EYS: variants seen among roughly 807,000 people sequenced by gnomAD.
The protein encoded by EYS is EGF-like photoreceptor maintenance factor, also known as protein eyes shut homolog.
In EYS, 250 loss-of-function variants were observed where a neutral mutation model predicts 282.1. That is an observed-to-expected ratio of 0.89 (90% CI 0.80 to 0.98). The LOEUF is 0.98. EYS is among the 50% of genes least tolerant of loss of function. The pLI, the probability that EYS is intolerant of heterozygous loss-of-function variation, is 0.00. For missense variants in EYS, 4,016 were observed against 3,709.0 expected, an observed-to-expected ratio of 1.08 and a Z score of -2.15; for synonymous variants, 1,355 against 1,282.9, an observed-to-expected ratio of 1.06 and a Z score of -1.20.
chr6:64,794,139 C>T (rs1385161545), intron 22 of EYS, among the ~76,000 whole-genome samples: 2 of 152,240 alleles, frequency 1.3e-5, no homozygotes, highest in East Asian at 1.9e-4. Context: ...ATAATGTCCT[C>T]AAAAGTTCAT....
intron 29 of EYS, among the ~76,000 whole-genome samples, chr6:64,326,152 T>C (rs1157144089): frequency 2.3e-5 from 2 of 88,590 alleles, no homozygotes; most frequent in African/African-American, 1.0e-4. Flanking sequence ...ATAGTAGTAG[T>C]AATAGAAATT....
intron 2 of EYS, among the ~76,000 whole-genome samples, chr6:65,620,030 C>T (rs1012076420): frequency 6.6e-6 from 1 of 152,100 alleles, no homozygotes; most frequent in Admixed American, 6.5e-5. Flanking sequence ...TATGTTGTGT[C>T]TCTGCCAGGC....
chr6:64,779,598 G>A (rs770510101), intron 22 of EYS, among the ~76,000 whole-genome samples: 9 of 152,012 alleles, frequency 5.9e-5, no homozygotes, highest in African/African-American at 9.7e-5. Context: ...CCTATTGAAC[G>A]TACAACACAA....
chr6:65,470,902 G>A (rs879828499), intron 5 of EYS, among the ~76,000 whole-genome samples: 4 of 152,030 alleles, frequency 2.6e-5, no homozygotes, highest in African/African-American at 9.7e-5. Context: ...GGCTTGGGAG[G>A]CTGAGGAGGG....
At chr6:64,106,227 T>A (rs192127566) in intron 31 of EYS, among the ~76,000 whole-genome samples, 3,092 of 152,166 alleles carry the variant, frequency 0.02, 83 homozygotes, top group African/African-American at 0.061. Flanking sequence ...GAACTTTTTT[T>A]AAAAAAACTT....
At chr6:64,530,196 C>T (rs938824959) in intron 26 of EYS, among the ~76,000 whole-genome samples, 5 of 151,912 alleles carry the variant, frequency 3.3e-5, no homozygotes, top group African/African-American at 4.8e-5. Context: ...AATAAGTAAA[C>T]AATTATTTTT....
intron 5 of EYS, among the ~76,000 whole-genome samples, chr6:65,482,494 T>G (rs1238462330): frequency 6.6e-6 from 1 of 152,218 alleles, no homozygotes; most frequent in Non-Finnish European, 1.5e-5. Flanking sequence ...AAAATAGGAT[T>G]AAAGTTCAAT....
chr6:64,246,245 T>TA (rs1767017716), intron 30 of EYS, among the ~76,000 whole-genome samples: 1 of 151,898 alleles, frequency 6.6e-6, no homozygotes, highest in South Asian at 2.1e-4. Context: ...TAAGAATTTT[T>TA]ATCTTGGCTT....
At chr6:63,826,845 C>CAAAAAAAAAAAAAAAAAG (rs1771475400) in intron 36 of EYS, among the ~76,000 whole-genome samples, 4 of 76,760 alleles carry the variant, frequency 5.2e-5, no homozygotes, top group Admixed American at 1.4e-4. Context: ...AGTTAAAAAG[C>CAAAAAAAAAAAAAAAAAG]AAAAAAAAAA....
chr6:64,740,297 A>T (rs1449023855), intron 22 of EYS, among the ~76,000 whole-genome samples: 3 of 152,154 alleles, frequency 2.0e-5, no homozygotes, highest in African/African-American at 7.2e-5. Context: ...TAAAAAAAAT[A>T]TGAGAATGAA....
intron 35 of EYS, among the ~76,000 whole-genome samples, chr6:63,981,946 A>G (rs942089036): frequency 1.3e-5 from 2 of 151,924 alleles, no homozygotes; most frequent in East Asian, 3.9e-4. Context: ...ATCAATATAT[A>G]AAGTATAAAT....
At chr6:65,112,773 G>A (rs558167747) in intron 12 of EYS, among the ~76,000 whole-genome samples, 1 of 152,126 alleles carries the variant, frequency 6.6e-6, no homozygotes, top group East Asian at 1.9e-4. Context: ...TTTACAGTAT[G>A]ACACAAAAGC....
At chr6:64,401,574 A>G (rs1773537986) in intron 28 of EYS, among the ~76,000 whole-genome samples, 1 of 151,866 alleles carries the variant, frequency 6.6e-6, no homozygotes, top group Admixed American at 6.6e-5. Flanking sequence ...GCTACATGTG[A>G]TTTTTGGGGC....
intron 22 of EYS, among the ~76,000 whole-genome samples, chr6:64,774,811 C>T (rs1035663566): frequency 1.3e-5 from 2 of 151,904 alleles, no homozygotes; most frequent in Non-Finnish European, 2.9e-5. Flanking sequence ...GTAACTCTCT[C>T]CTTTCCTAAA....
At chr6:64,882,009 A>G (rs1766937080) in intron 19 of EYS, among the ~76,000 whole-genome samples, 1 of 151,828 alleles carries the variant, frequency 6.6e-6, no homozygotes, top group Non-Finnish European at 1.5e-5. Context: ...CTTTTGATAA[A>G]AGAGAAATGG....
intron 33 of EYS, among the ~76,000 whole-genome samples, chr6:64,043,508 G>T (rs1770484947): frequency 6.6e-6 from 1 of 152,232 alleles, no homozygotes; most frequent in South Asian, 2.1e-4. Context: ...CATGCACCAT[G>T]TTGGAGCCAA....
In EYS at chr6:64,590,361, C is replaced by G. The variant is rs1478427973; in HGVS notation, c.5506G>C (p.Glu1836Gln). The G allele has an allele frequency of 1.3e-6, 2 of 1,551,266 alleles. No individual in the cohort carries two copies. The highest frequency in any genetic ancestry group is 8.7e-7 in the Non-Finnish European group (1 of 1,146,704). Residue 1836 changes from glutamate (E) to glutamine (Q), a missense_variant, in exon 26 of 43, where the codon GAA becomes CAA. Coordinates refer to ENST00000503581, the MANE Select transcript of EYS (RefSeq NM_001142800.2). The part of the protein sequence containing the change: ...SLKKEVKTSS[E>Q]WSKWELQPSV... ...GGCTGAAGTTCCCATTTGGACCATT[C>G]TGAAGAAGTCTTGACCTCTTTTTTA...
chr6:64,575,052 C>T (rs1301966504), intron 26 of EYS, among the ~76,000 whole-genome samples: 3 of 151,982 alleles, frequency 2.0e-5, no homozygotes, highest in Non-Finnish European at 4.4e-5. Context: ...CAATGTCTAA[C>T]CAAAATGGTA....
At chr6:65,698,065 A>G (rs933146223) in intron 1 of EYS, among the ~76,000 whole-genome samples, 1 of 152,056 alleles carries the variant, frequency 6.6e-6, no homozygotes, top group Non-Finnish European at 1.5e-5. Flanking sequence ...TGGGAGGGAG[A>G]CGGATATGGT....
Sources: gnomAD v4.1 joint callset for allele counts (sites outside exome capture counted in the v4.1 genomes callset) on GRCh38, gnomAD v4.1.1 for gene constraint, MANE v1.5 for transcripts, NCBI Gene and HGNC (gene_info 2026-07-23, HGNC 2026-07-21) for gene names.